TRMO: variants seen among roughly 807,000 people sequenced by gnomAD.
TRMO encodes the protein tRNA methyltransferase O, also known as tRNA (adenine(37)-N6)-methyltransferase.
A neutral mutation model predicts 37.2 loss-of-function variants in TRMO; 30 were observed. That is an observed-to-expected ratio of 0.81 (90% CI 0.60 to 1.09). The LOEUF (loss-of-function observed/expected upper bound fraction) is 1.09, where lower values mean the gene tolerates loss of function less well. Among genes scored for constraint, TRMO ranks in the 50% least tolerant of loss-of-function variants. The probability of loss-of-function intolerance (pLI) is 0.00; values close to 1 mark genes in which losing one functional copy is unlikely to be tolerated. For missense variants in TRMO, 552 were observed against 549.5 expected (o/e 1.00, Z -0.05); for synonymous variants, 239 against 199.4 (o/e 1.20, Z -1.67).
chr9:97,913,277 G>T, intron 3 of TRMO, 124 bp downstream of exon 3: 1 of 1,041,582 alleles, frequency 9.6e-7, no homozygotes, highest in Non-Finnish European at 1.5e-6. Flanking sequence ...TTCAATGTCT[G>T]GTGGTTCTCA....
Position 97,910,262 on chromosome 9 carries a change from C to A in TRMO, c.764G>T (p.Gly255Val), listed in dbSNP as rs1430800993. Residue 255 changes from glycine (G) to valine (V), a missense_variant, in exon 4 of 5, where the codon GGT (glycine) becomes GTT (valine). Coordinates refer to ENST00000375119, the MANE Select transcript of TRMO (RefSeq NM_016481.5). Reference sequence around the variant, plus strand: ...ACTCTGATCACGTCTTGATTCCAAACCAAAATCCACTGCTATCTCCCTGTG... The same window carrying A: ...ACTCTGATCACGTCTTGATTCCAAAACAAAATCCACTGCTATCTCCCTGTG... The part of the protein sequence containing the change: ...PMHREIAVDF[G>V]LESRRDQSSS... 6.2e-7 allele frequency: 1 copy of A among 1,614,232 alleles called. No individual in the cohort carries two copies. The highest frequency in any genetic ancestry group is 1.1e-5 in the South Asian group (1 of 91,082).
At chr9:97,906,858 A>G (rs999020103) in intron 4 of TRMO, among the ~76,000 whole-genome samples, 29 of 151,202 alleles carry the variant, frequency 1.9e-4, no homozygotes, top group Non-Finnish European at 3.7e-4. Context: ...AAAAAAAAAA[A>G]GAAAGAAAGA....
At chr9:97,908,239 A>G (rs945910698) in intron 4 of TRMO, among the ~76,000 whole-genome samples, 1 of 151,996 alleles carries the variant, frequency 6.6e-6, no homozygotes, top group Non-Finnish European at 1.5e-5. Flanking sequence ...GGTGAAACTC[A>G]GTCTCTACTA....
At chr9:97,910,900 A>C (rs1342634417) in intron 3 of TRMO, 1 of 566,460 alleles carries the variant, frequency 1.8e-6, no homozygotes, top group Non-Finnish European at 3.3e-6. Flanking sequence ...GTCCCCATAG[A>C]GAAGCCTGTG....
At chr9:97,921,318 G>C (rs1161127434) in intron 1 of TRMO, among the ~76,000 whole-genome samples, 1 of 152,226 alleles carries the variant, frequency 6.6e-6, no homozygotes, top group Non-Finnish European at 1.5e-5. Flanking sequence ...AACTTTGGGA[G>C]GCTAAGGCAG....
intron 4 of TRMO, among the ~76,000 whole-genome samples, chr9:97,906,544 A>G (rs1026619055): frequency 2.0e-5 from 3 of 152,234 alleles, no homozygotes; most frequent in Admixed American, 2.0e-4. Flanking sequence ...TATTTCTGCA[A>G]CAGCTCTGAA....
Position 97,916,235 on chromosome 9 carries a change from C to CAAAA in TRMO, c.179_180insTTTT (p.Leu60PhefsTer5), listed in dbSNP as rs781189555. The CAAAA allele has an allele frequency of 2.5e-6, 4 of 1,613,454 alleles. No homozygotes were observed. The highest frequency in any genetic ancestry group is 2.5e-6 in the Non-Finnish European group (3 of 1,179,616). ...TATTAAAGATCCTCTTTCTAATCCT[C>CAAAA]AAACAGGCTCGAGAATAGCTACAAA... On this transcript the variant is annotated frameshift_variant, in exon 2 of 5. Coordinates refer to ENST00000375119, the MANE Select transcript of TRMO (RefSeq NM_016481.5). LOFTEE classifies it high-confidence loss of function.
At chr9:97,913,673 T>C in intron 2 of TRMO, 115 bp from the exon 3 acceptor site, 3 of 680,826 alleles carry the variant, frequency 4.4e-6, no homozygotes, top group Non-Finnish European at 7.5e-6. Context: ...AGAAATCATG[T>C]TTTAAATAGT....
At chr9:97,899,525 A>G (rs901837497), downstream of TRMO, among the ~76,000 whole-genome samples, 2 of 151,878 alleles carry the variant, frequency 1.3e-5, no homozygotes, top group African/African-American at 4.8e-5. Context: ...TGCAACCTCC[A>G]TCTCCCAAGG....
At chr9:97,919,508 T>C (rs555443931) in intron 1 of TRMO, among the ~76,000 whole-genome samples, 1 of 152,230 alleles carries the variant, frequency 6.6e-6, no homozygotes, top group African/African-American at 2.4e-5. Context: ...TGCCAGACAT[T>C]GTGTTAAGTT....
At chr9:97,916,363 GTTA>G (rs1826362166) in intron 1 of TRMO, 25 bp from the exon 2 acceptor site, 1 of 1,565,634 alleles carries the variant, frequency 6.4e-7, no homozygotes, top group Non-Finnish European at 8.7e-7. Flanking sequence ...TAGGTAAAAA[GTTA>G]TTAGTCAAAA....
chr9:97,902,991 G>A (rs1223396433), downstream of TRMO, among the ~76,000 whole-genome samples: 1 of 152,284 alleles, frequency 6.6e-6, no homozygotes, highest in Admixed American at 6.5e-5. Flanking sequence ...ATTAGCCCAG[G>A]CACAGTGGCT....
At chr9:97,917,189 T>C (rs939091804) in intron 1 of TRMO, among the ~76,000 whole-genome samples, 1 of 152,150 alleles carries the variant, frequency 6.6e-6, no homozygotes, top group African/African-American at 2.4e-5. Context: ...GGCTGGAGTA[T>C]GAAATAAGAG....
chr9:97,912,960 G>A (rs1331046946), intron 3 of TRMO: 5 of 1,302,176 alleles, frequency 3.8e-6, no homozygotes, highest in East Asian at 5.5e-5. Flanking sequence ...CATGATATCT[G>A]TCCATTTCCC....
At chr9:97,910,942 G>A (rs1448114319) in intron 3 of TRMO, 5 of 517,116 alleles carry the variant, frequency 9.7e-6, no homozygotes, top group African/African-American at 9.5e-5. Flanking sequence ...TTTCCCCACG[G>A]TAGGGTAGTG....
chr9:97,922,365 C>T, intron 1 of TRMO, 53 bp downstream of exon 1: 1 of 1,273,366 alleles, frequency 7.9e-7, no homozygotes, highest in Non-Finnish European at 1.1e-6. Flanking sequence ...ACGAAGTCCG[C>T]TGCCTGGGCC....
Position 97,904,971 on chromosome 9 carries a change from T to G in TRMO, c.1088A>C (p.Lys363Thr). Residue 363 changes from lysine (K) to threonine (T), a missense_variant, in exon 5 of 5, where the codon AAA (lysine) becomes ACA (threonine). Lys to Thr is a moderately conservative substitution (Grantham distance 78). Transcript: ENST00000375119. ...SSQDVGQASF[K>T]YFQSAEEAKR... ...TGCTTCCTCTGCTGACTGAAAATAT[T>G]TAAATGACGCCTGACCAACATCTGC... 1 of 1,613,750 alleles carries G rather than the reference T, an allele frequency of 6.2e-7. No individual in the cohort carries two copies. Among genetic ancestry groups the G allele is most frequent in the South Asian group, 1.1e-5 (1 of 91,086 alleles).
intron 1 of TRMO, among the ~76,000 whole-genome samples, 188 bp from the exon 2 acceptor site, chr9:97,916,526 A>G (rs1826370310): frequency 6.6e-6 from 1 of 152,172 alleles, no homozygotes; most frequent in Non-Finnish European, 1.5e-5. Flanking sequence ...ACACATACAC[A>G]TACATCATTA....
At chr9:97,908,291 A>C (rs1038353676) in intron 4 of TRMO, among the ~76,000 whole-genome samples, 6 of 151,828 alleles carry the variant, frequency 4.0e-5, no homozygotes, top group African/African-American at 1.2e-4. Flanking sequence ...GGGCGCCTGT[A>C]GTCCCAGCTA....
Sources: gnomAD v4.1 joint callset for allele counts (sites outside exome capture counted in the v4.1 genomes callset) on GRCh38, gnomAD v4.1.1 for gene constraint, MANE v1.5 for transcripts, NCBI Gene and HGNC (gene_info 2026-07-23, HGNC 2026-07-21) for gene names.